MSTO1: variants seen among roughly 807,000 people sequenced by gnomAD.
MSTO1 encodes the protein misato mitochondrial distribution and morphology regulator 1, also known as protein misato homolog 1.
A neutral mutation model predicts 55.7 loss-of-function variants in MSTO1; 24 were observed. That is an observed-to-expected ratio of 0.43 (90% confidence interval 0.31 to 0.61). The LOEUF is 0.61. MSTO1 is among the 20% of genes least tolerant of loss of function. The pLI is 0.09. For missense variants in MSTO1, 363 were observed against 625.7 expected, an observed-to-expected ratio of 0.58 and a Z score of 4.48; for synonymous variants, 162 against 252.8, an observed-to-expected ratio of 0.64 and a Z score of 3.41.
the MSTO1 span, among the ~76,000 whole-genome samples, chr1:155,575,796 TTTTATTTATTTATTTATTTATTTA>T: frequency 4.8e-5 from 7 of 144,660 alleles, no homozygotes; most frequent in African/African-American, 1.8e-4. Flanking sequence ...CTTATTTTAT[TTTTATTTATTTATTTATTTATTTA>T]TTTATTTATT....
chr1:155,577,213 G>A, the MSTO1 span, among the ~76,000 whole-genome samples: 1 of 150,440 alleles, frequency 6.6e-6, no homozygotes, highest in Non-Finnish European at 1.5e-5. Context: ...CTCAGCCTCC[G>A]GAGTAGCTGG....
the MSTO1 span, among the ~76,000 whole-genome samples, chr1:155,578,192 A>T: frequency 6.6e-6 from 1 of 151,938 alleles, no homozygotes; most frequent in Non-Finnish European, 1.5e-5. Context: ...GAAATATAAT[A>T]TCCTAAATTA....
chr1:155,585,455 G>A, the MSTO1 span, among the ~76,000 whole-genome samples: 1 of 151,412 alleles, frequency 6.6e-6, no homozygotes, highest in African/African-American at 2.4e-5. Context: ...CCCGGGAGGC[G>A]GAGGTTGCAG....
chr1:155,563,433 C>CA, the MSTO1 span: 1 of 456,548 alleles, frequency 2.2e-6, no homozygotes, highest in Non-Finnish European at 4.4e-6. Flanking sequence ...GGCGCGCCTC[C>CA]GGGGGGATTC....
At position 155,612,217 on chromosome 1, in the gene MSTO1, C is replaced by A; in HGVS notation, c.714C>A (p.Phe238Leu). ...FQILCDLHDG[F>L]SGVGAKAAEL... ...TCCTGTGTGACCTGCACGATGGCTTCTCTGGGGTAGGCGCGAAGGCGGCAG... is the reference window on the plus strand; with the variant it reads ...TCCTGTGTGACCTGCACGATGGCTTATCTGGGGTAGGCGCGAAGGCGGCAG... Residue 238 changes from phenylalanine (F) to leucine (L), a missense_variant, in exon 8 of 14, where the codon TTC (phenylalanine) becomes TTA (leucine). Transcript: ENST00000245564. 1 of 1,612,040 alleles carries A rather than the reference C, an allele frequency of 6.2e-7. No individual in the cohort carries two copies. Among genetic ancestry groups the A allele is most frequent in the Non-Finnish European group, 8.5e-7 (1 of 1,178,790 alleles).
chr1:155,591,419 A>T, the MSTO1 span, among the ~76,000 whole-genome samples: 4 of 152,386 alleles, frequency 2.6e-5, no homozygotes, highest in East Asian at 3.9e-4. Context: ...CAGAGGCAAT[A>T]GTACAGATGG....
the MSTO1 span, among the ~76,000 whole-genome samples, chr1:155,603,158 A>G: frequency 6.6e-6 from 1 of 152,086 alleles, no homozygotes; most frequent in Non-Finnish European, 1.5e-5. Context: ...TGAGGTCAGG[A>G]CTTTGAGACC....
the MSTO1 span, among the ~76,000 whole-genome samples, chr1:155,587,723 G>A: frequency 1.1e-3 from 154 of 139,062 alleles, no homozygotes; most frequent in South Asian, 5.7e-3. Context: ...CAGCCTGGGC[G>A]ACAGAGCGAG....
chr1:155,564,559 T>C, the MSTO1 span, among the ~76,000 whole-genome samples: 1 of 152,120 alleles, frequency 6.6e-6, no homozygotes, highest in Admixed American at 6.6e-5. Context: ...GTCCCAAATT[T>C]CCCCTTTAGG....
chr1:155,590,707 G>A, the MSTO1 span: 2 of 1,545,012 alleles, frequency 1.3e-6, no homozygotes, highest in Non-Finnish European at 8.8e-7. Flanking sequence ...CCCCCCGGAG[G>A]GGCAAGTGCA....
In MSTO1 at chr1:155,614,661, C is replaced by A; in HGVS notation, c.*388C>A. 6.6e-7 allele frequency: 1 copy of A among 1,508,338 alleles called. No homozygotes were observed. Among genetic ancestry groups the A allele is most frequent in the East Asian group, 2.3e-5 (1 of 44,300 alleles). The allele number at this position is 1,508,338 out of a possible 1,614,324, so 93.4% of individuals were successfully genotyped here. A position where few individuals can be genotyped will look rare whatever the true frequency, so the allele number is the denominator to read the frequency against. On this transcript the variant is annotated 3_prime_UTR_variant, in exon 14 of 14. Transcript: ENST00000245564. Reference sequence around the variant, plus strand: ...ACTGTACAAGCAGAGTACAACTACCCGCCTCCCCGGTGCCAGGGCGCCTGT... The same window carrying A: ...ACTGTACAAGCAGAGTACAACTACCAGCCTCCCCGGTGCCAGGGCGCCTGT...
chr1:155,601,672 T>A, the MSTO1 span, among the ~76,000 whole-genome samples: 1 of 152,082 alleles, frequency 6.6e-6, no homozygotes, highest in Non-Finnish European at 1.5e-5. Context: ...ACTAAAGTCA[T>A]TTCCCATAAC....
chr1:155,595,468 G>A, the MSTO1 span, among the ~76,000 whole-genome samples: 12 of 147,216 alleles, frequency 8.2e-5, no homozygotes, highest in East Asian at 4.1e-4. Context: ...GTGAGCCACC[G>A]CGCCCGGCCT....
At chr1:155,576,632 A>G in the MSTO1 span, among the ~76,000 whole-genome samples, 1 of 151,526 alleles carries the variant, frequency 6.6e-6, no homozygotes, top group Non-Finnish European at 1.5e-5. Context: ...GCCTATTTTT[A>G]GTTCTTTTGC....
Position 155,612,496 on chromosome 1 carries a change from T to C in MSTO1, c.892T>C (p.Cys298Arg). ...VHLTAHSSLV[C>R]PLSLGGSLGL... Reference sequence around the variant, plus strand: ...CCTGACTGCTCACAGCTCTCTTGTCTGCCCCTTGTCCTTGGGTGGGAGCCT... The same window carrying C: ...CCTGACTGCTCACAGCTCTCTTGTCCGCCCCTTGTCCTTGGGTGGGAGCCT... Residue 298 changes from cysteine (C) to arginine (R), a missense_variant, in exon 9 of 14, where the codon TGC becomes CGC. Around this residue, in one of 3 missense-constraint regions of MSTO1, gnomAD observed 231 missense variants for 286.9 expected, o/e 0.81. Transcript: ENST00000245564. 1 of 1,614,072 alleles carries C rather than the reference T, an allele frequency of 6.2e-7. No homozygotes were observed. The highest frequency in any genetic ancestry group is 8.5e-7 in the Non-Finnish European group (1 of 1,179,992).
upstream of MSTO1, among the ~76,000 whole-genome samples, chr1:155,605,967 A>G (rs950705693): frequency 2.6e-5 from 4 of 152,214 alleles, no homozygotes; most frequent in Admixed American, 6.6e-5. Flanking sequence ...AACATTAAAG[A>G]AAAGGAAAAT....
upstream of MSTO1, among the ~76,000 whole-genome samples, chr1:155,608,729 C>T (rs1673096164): frequency 1.3e-5 from 2 of 151,880 alleles, no homozygotes; most frequent in African/African-American, 4.8e-5. Flanking sequence ...GTCTCGATCT[C>T]CTGACCTCGT....
At chr1:155,593,946 G>A in the MSTO1 span, among the ~76,000 whole-genome samples, 1 of 151,946 alleles carries the variant, frequency 6.6e-6, no homozygotes, top group Non-Finnish European at 1.5e-5. Flanking sequence ...TCCAGCCTGG[G>A]CAACAGAGCG....
chr1:155,576,846 T>C, the MSTO1 span, among the ~76,000 whole-genome samples: 1 of 141,454 alleles, frequency 7.1e-6, no homozygotes, highest in African/African-American at 2.9e-5. Flanking sequence ...AAACCCCATC[T>C]CTACTAAAAA....
Sources: allele counts gnomAD v4.1 joint callset (sites outside exome capture counted in the v4.1 genomes callset), GRCh38; gene constraint gnomAD v4.1.1; regional missense constraint gnomAD v4.1.1; transcripts MANE v1.5; gene names NCBI Gene and HGNC (gene_info 2026-07-23, HGNC 2026-07-21).